GRM5: variants seen among roughly 807,000 people sequenced by gnomAD.
GRM5 encodes the protein glutamate metabotropic receptor 5, also known as metabotropic glutamate receptor 5.
A neutral mutation model predicts 83.1 loss-of-function variants in GRM5; 19 were observed. The ratio of observed to expected loss-of-function variants is 0.23; its 90% CI spans 0.16 to 0.34. The LOEUF (loss-of-function observed/expected upper bound fraction) is 0.34, where lower values mean the gene tolerates loss of function less well. Among genes scored for constraint, GRM5 ranks in the 10% least tolerant of loss-of-function variants. GRM5 has a pLI of 1.00. For synonymous variants in GRM5, 675 were observed against 633.6 expected (o/e 1.07, Z -0.98); for missense variants, 1,160 against 1,588.3 (o/e 0.73, Z 4.58).
At chr11:88,639,886 C>T (rs1307636311) in intron 4 of GRM5, among the ~76,000 whole-genome samples, 1 of 152,130 alleles carries the variant, frequency 6.6e-6, no homozygotes. Flanking sequence ...TAAGGGCTTT[C>T]TTCTGGGATC....
chr11:88,776,531 C>A (rs1252943572), intron 3 of GRM5, among the ~76,000 whole-genome samples: 1 of 152,166 alleles, frequency 6.6e-6, no homozygotes, highest in Admixed American at 6.6e-5. Context: ...TTCTTCATAG[C>A]ATCGATGGTC....
At chr11:88,593,862 C>T (rs150469613) in intron 6 of GRM5, among the ~76,000 whole-genome samples, 24 of 150,376 alleles carry the variant, frequency 1.6e-4, no homozygotes, top group African/African-American at 2.2e-4. Flanking sequence ...GGCGCCATCT[C>T]GGCTCACTGC....
chr11:88,641,357 A>T (rs1296084670), intron 4 of GRM5, among the ~76,000 whole-genome samples: 1 of 151,988 alleles, frequency 6.6e-6, no homozygotes, highest in East Asian at 1.9e-4. Context: ...ACAATTTGAC[A>T]TGAGATTTAG....
rs375087728 is a variant in GRM5 at position 89,047,164 on chromosome 11, T to C, written c.661+48A>G. The C allele has an allele frequency of 4.3e-6, 6 of 1,380,438 alleles. No homozygotes were observed. The highest frequency in any genetic ancestry group is 5.0e-6 in the Non-Finnish European group (5 of 1,001,954). 85.5% of individuals were successfully genotyped at this position (1,380,438 alleles called of 1,614,324 possible). ...CTCTTCCCAAACCTGAAATTGTAAC[T>C]GTTGAGTGCATAATAATATATACTC... On this transcript the variant is annotated intron_variant, in intron 2 of 9. Transcript: ENST00000305447. The surrounding 1 kb of genome is among the most constrained non-coding windows in gnomAD (Gnocchi z 5.1).
At chr11:88,970,585 TA>T (rs1379727607) in intron 2 of GRM5, among the ~76,000 whole-genome samples, 35 of 152,274 alleles carry the variant, frequency 2.3e-4, no homozygotes, top group Admixed American at 1.1e-3. Flanking sequence ...AAACTGAAAG[TA>T]ATTAAACTAC....
chr11:88,967,222 T>C, intron 2 of GRM5, among the ~76,000 whole-genome samples: 1 of 45,404 alleles, frequency 2.2e-5, no homozygotes, highest in East Asian at 8.8e-4. Context: ...TGTATATATG[T>C]GTGTGTATGT....
chr11:88,765,340 A>T (rs1942606609), intron 3 of GRM5, among the ~76,000 whole-genome samples: 1 of 150,658 alleles, frequency 6.6e-6, no homozygotes, highest in Admixed American at 6.7e-5. Flanking sequence ...TACTTCTCAA[A>T]TTTTCCTAAA....
At chr11:88,928,462 G>A (rs1354482917) in intron 2 of GRM5, among the ~76,000 whole-genome samples, 3 of 10,064 alleles carry the variant, frequency 3.0e-4, no homozygotes, top group Non-Finnish European at 1.3e-3. Context: ...GTGTGTGTGT[G>A]TGTATATATA....
At chr11:88,785,497 C>T (rs1262820315) in intron 3 of GRM5, among the ~76,000 whole-genome samples, 1 of 152,070 alleles carries the variant, frequency 6.6e-6, no homozygotes, top group Non-Finnish European at 1.5e-5. Context: ...TGTCCCATTA[C>T]TTATGACCTC....
rs1350852009 is a variant in GRM5 at position 88,509,214 on chromosome 11, G to A, written c.3017C>T (p.Ala1006Val). 8.5e-6 allele frequency: 13 copies of A among 1,531,912 alleles called. No individual in the cohort carries two copies. The highest frequency in any genetic ancestry group is 1.1e-5 in the Non-Finnish European group (12 of 1,141,780). The allele number at this position is 1,531,912 out of a possible 1,614,324, so 94.9% of individuals were successfully genotyped here. A position where few individuals can be genotyped will look rare whatever the true frequency, so the allele number is the denominator to read the frequency against. The change falls in exon 10 of 10, where the codon GCT becomes GTT. Residue 1006 changes from alanine (A) to valine (V), a missense_variant. Ala to Val is a moderately conservative substitution (Grantham distance 64). This residue lies in a region of GRM5 where 562 missense variants were observed against 532.4 expected (regional missense o/e 1.06). Transcript: ENST00000305447. The part of the protein sequence containing the change: ...GPKALYDVAE[A>V]EEHFPAPARP... ...CGCGGGCGCCGGGAAGTGCTCCTCA[G>A]CCTCGGCCACATCATACAGCGCCTT...
At chr11:88,606,221 T>C (rs980905011) in intron 4 of GRM5, among the ~76,000 whole-genome samples, 2 of 152,204 alleles carry the variant, frequency 1.3e-5, no homozygotes, top group African/African-American at 4.8e-5. Flanking sequence ...GCTTAAGCCA[T>C]GTTAAGATTG....
chr11:88,850,568 ATAAG>A (rs1297271883), intron 2 of GRM5, among the ~76,000 whole-genome samples: 11 of 151,382 alleles, frequency 7.3e-5, no homozygotes, highest in African/African-American at 2.7e-4. Context: ...TATAGTACAT[ATAAG>A]TAATACATGT....
chr11:88,511,900 C>T (rs549699408), intron 9 of GRM5: 106 of 152,326 alleles, frequency 7.0e-4, no homozygotes, highest in African/African-American at 2.4e-3. Context: ...TATTTCAGGT[C>T]ACTAAGTCCC....
chr11:88,885,529 GA>G (rs1444555296), intron 2 of GRM5, among the ~76,000 whole-genome samples: 2 of 122,734 alleles, frequency 1.6e-5, no homozygotes, highest in Non-Finnish European at 3.2e-5. Context: ...GGGGACTTTA[GA>G]AAGGTATTTA....
At chr11:88,615,587 A>T (rs1416508515) in intron 4 of GRM5, among the ~76,000 whole-genome samples, 1 of 151,984 alleles carries the variant, frequency 6.6e-6, no homozygotes, top group East Asian at 1.9e-4. Flanking sequence ...GGACTTTACA[A>T]AATGCTTTAA....
intron 2 of GRM5, among the ~76,000 whole-genome samples, chr11:88,929,537 T>C (rs1423467776): frequency 6.6e-6 from 1 of 152,158 alleles, no homozygotes; most frequent in Non-Finnish European, 1.5e-5. Flanking sequence ...TAATGGCCTA[T>C]TTAATACTAA....
At chr11:88,641,889 G>T (rs966840708) in intron 4 of GRM5, among the ~76,000 whole-genome samples, 2 of 152,200 alleles carry the variant, frequency 1.3e-5, no homozygotes, top group African/African-American at 4.8e-5. Context: ...GGTGAAAGTT[G>T]CCAGTGGATC....
At chr11:88,786,369 T>A (rs1156899056) in intron 3 of GRM5, among the ~76,000 whole-genome samples, 1 of 152,142 alleles carries the variant, frequency 6.6e-6, no homozygotes, top group African/African-American at 2.4e-5. Flanking sequence ...AAAGAATTCT[T>A]AATGCATTGC....
At chr11:88,606,541 C>T (rs911953953) in intron 4 of GRM5, among the ~76,000 whole-genome samples, 5 of 152,082 alleles carry the variant, frequency 3.3e-5, no homozygotes, top group African/African-American at 1.2e-4. Flanking sequence ...AAACAAACAA[C>T]CAAAAAAGAT....
Sources: gnomAD v4.1 joint callset for allele counts (sites outside exome capture counted in the v4.1 genomes callset) on GRCh38, gnomAD v4.1.1 for gene constraint, gnomAD v4.1.1 regional missense constraint, Gnocchi (gnomAD v3.1) non-coding constraint, MANE v1.5 for transcripts, NCBI Gene and HGNC (gene_info 2026-07-23, HGNC 2026-07-21) for gene names.